FAAH2: variants seen among roughly 807,000 people sequenced by gnomAD.
The protein encoded by FAAH2 is fatty-acid amide hydrolase 2.
Under a neutral mutation model 36.9 loss-of-function variants are expected in FAAH2, and 60 were observed. The ratio of observed to expected loss-of-function variants is 1.63; its 90% confidence interval spans 1.32 to 2.02. FAAH2 has a LOEUF of 2.02. Among genes scored for constraint, FAAH2 ranks in the 30% most tolerant of loss-of-function variants. The pLI is 0.00. For missense variants in FAAH2, 689 were observed against 397.5 expected (o/e 1.73, Z -6.23); for synonymous variants, 214 against 143.8 (o/e 1.49, Z -3.49).
intron 7 of FAAH2, among the ~76,000 whole-genome samples, chrX:57,423,957 C>T (rs906399144): frequency 9.0e-6 from 1 of 111,521 alleles, no homozygotes; most frequent in African/African-American, 3.3e-5. Flanking sequence ...GGACAAACTG[C>T]ATAGTCCATT....
At chrX:57,355,719 A>T (rs1329469173) in intron 5 of FAAH2, among the ~76,000 whole-genome samples, 1 of 111,081 alleles carries the variant, frequency 9.0e-6, no homozygotes, top group Non-Finnish European at 1.9e-5. Context: ...TACATACACG[A>T]TCATGCAATC....
At chrX:57,217,027 G>C in the FAAH2 span, among the ~76,000 whole-genome samples, 1 of 111,168 alleles carries the variant, frequency 9.0e-6, no homozygotes, top group Admixed American at 9.6e-5. Context: ...CTGATCATTA[G>C]TGATGTTGAA....
At chrX:57,424,908 G>GT (rs1569336192) in intron 7 of FAAH2, among the ~76,000 whole-genome samples, 2 of 111,039 alleles carry the variant, frequency 1.8e-5, no homozygotes, top group African/African-American at 6.5e-5. Context: ...GAAATACCAC[G>GT]TAAAGAATTC....
At chrX:57,219,499 C>T in the FAAH2 span, among the ~76,000 whole-genome samples, 1 of 111,935 alleles carries the variant, frequency 8.9e-6, no homozygotes, top group East Asian at 2.8e-4. Context: ...TCCCCAGAAG[C>T]CCAGTTAACA....
intron 10 of FAAH2, among the ~76,000 whole-genome samples, chrX:57,461,326 C>A (rs1171751157): frequency 9.0e-6 from 1 of 111,474 alleles, no homozygotes; most frequent in Non-Finnish European, 1.9e-5. Flanking sequence ...CTGCAGAACT[C>A]TCTACCCCAA....
rs758364923 is a variant in FAAH2 at position 57,378,716 on chromosome X, G to A, written c.808G>A (p.Gly270Ser). Residue 270 changes from glycine to serine, a missense_variant, in exon 6 of 11, where the codon GGT (glycine) becomes AGT (serine). Coordinates refer to ENST00000374900, the MANE Select transcript of FAAH2 (RefSeq NM_174912.4). ...VGAQELFLCT[G>S]PMCRYAEDLA... is the part of the protein sequence containing the mutation. Reference sequence around the variant, plus strand: ...AGCCCAGGAGTTGTTTCTGTGCACTGGTCCTATGTGCCGTTATGCTGAAGA... The same window carrying A: ...AGCCCAGGAGTTGTTTCTGTGCACTAGTCCTATGTGCCGTTATGCTGAAGA... 6 of 1,210,357 alleles carry A rather than the reference G, an allele frequency of 5.0e-6. No homozygotes were observed. Among genetic ancestry groups the A allele is most frequent in the African/African-American group, 1.7e-5 (1 of 57,668 alleles).
At chrX:57,368,715 G>A (rs2054479808) in intron 5 of FAAH2, among the ~76,000 whole-genome samples, 1 of 110,704 alleles carries the variant, frequency 9.0e-6, no homozygotes, top group Admixed American at 9.6e-5. Flanking sequence ...AACATCAGCA[G>A]GTAAAAGTAT....
At chrX:57,290,241 A>T in intron 1 of FAAH2, 4 of 748,472 alleles carry the variant, frequency 5.3e-6, no homozygotes, top group Non-Finnish European at 6.3e-6. Flanking sequence ...TACAAACTCA[A>T]TTACGGTAGC....
At chrX:57,204,286 A>G in the FAAH2 span, among the ~76,000 whole-genome samples, 7 of 111,629 alleles carry the variant, frequency 6.3e-5, no homozygotes. Flanking sequence ...TACCGAGATC[A>G]GAAAGCATGT....
At chrX:57,432,595 G>A (rs1035314224) in intron 8 of FAAH2, among the ~76,000 whole-genome samples, 11 of 111,425 alleles carry the variant, frequency 9.9e-5, no homozygotes, top group Admixed American at 3.8e-4. Context: ...AGCTGATACA[G>A]GTACTTGTGA....
intron 2 of FAAH2, among the ~76,000 whole-genome samples, chrX:57,307,491 G>A (rs777079165): frequency 9.0e-6 from 1 of 110,777 alleles, no homozygotes; most frequent in South Asian, 3.8e-4. Context: ...TAAATTATGA[G>A]GGAAATGTGC....
At chrX:57,132,306 G>A in the FAAH2 span, among the ~76,000 whole-genome samples, 1 of 112,020 alleles carries the variant, frequency 8.9e-6, no homozygotes, top group Non-Finnish European at 1.9e-5. Flanking sequence ...GTTATCCAGA[G>A]CGGGGAGGCC....
Position 57,451,999 on chromosome X carries a change from T to C in FAAH2, c.1423+3281T>C, listed in dbSNP as rs749981871. The C allele has an allele frequency of 5.5e-5, 8 of 146,156 alleles. No individual in the cohort carries two copies. The South Asian group carries it at 2.4e-3, about 45-fold the overall frequency. 12.0% of individuals were successfully genotyped at this position (146,156 alleles called of 1,213,427 possible). A position where few individuals can be genotyped will look rare whatever the true frequency, so the allele number is the denominator to read the frequency against. The stretch of plus-strand genomic sequence containing the variant: ...AGTTATTTACAGTTTTCTTCCACTT[T>C]AGTCCTACCACGATTATCAACATAA... On this transcript the variant is annotated intron_variant, in intron 10 of 10. Coordinates refer to ENST00000374900, the MANE Select transcript of FAAH2 (RefSeq NM_174912.4).
chrX:57,313,510 G>A (rs1183635859), intron 3 of FAAH2, among the ~76,000 whole-genome samples: 1 of 108,833 alleles, frequency 9.2e-6, no homozygotes, highest in Non-Finnish European at 1.9e-5. Flanking sequence ...CTAGAGAGAA[G>A]GGTTAAGTCA....
intron 2 of FAAH2, among the ~76,000 whole-genome samples, chrX:57,300,323 C>A (rs1156902033): frequency 2.7e-5 from 3 of 111,817 alleles, no homozygotes; most frequent in African/African-American, 9.7e-5. Context: ...ACTATCTGAT[C>A]TTTGACAAAC....
chrX:57,387,031 C>A (rs1272250491), intron 7 of FAAH2, among the ~76,000 whole-genome samples: 7 of 112,170 alleles, frequency 6.2e-5, no homozygotes, highest in Non-Finnish European at 1.1e-4. Context: ...ATACAAGGAT[C>A]TATACTACTG....
chrX:57,293,740 G>A (rs1224437486), intron 2 of FAAH2, among the ~76,000 whole-genome samples: 1 of 111,420 alleles, frequency 9.0e-6, no homozygotes, highest in East Asian at 2.8e-4. Context: ...TTGTTTTTGT[G>A]TATGAGGACA....
At chrX:57,409,467 T>C in intron 7 of FAAH2, among the ~76,000 whole-genome samples, 1 of 111,632 alleles carries the variant, frequency 9.0e-6, no homozygotes, top group Middle Eastern at 4.6e-3. Flanking sequence ...AAGATCGTCA[T>C]TAATTTTTCT....
At chrX:57,405,695 G>A (rs187108562) in intron 7 of FAAH2, among the ~76,000 whole-genome samples, 2 of 101,737 alleles carry the variant, frequency 2.0e-5, no homozygotes, top group East Asian at 6.2e-4. Context: ...CTCTGACTGT[G>A]TTAATTTAAA....
Sources: allele counts gnomAD v4.1 joint callset (sites outside exome capture counted in the v4.1 genomes callset), GRCh38; gene constraint gnomAD v4.1.1; transcripts MANE v1.5; gene names NCBI Gene and HGNC (gene_info 2026-07-23, HGNC 2026-07-21).